Variants in SOX5 observed in about 807,000 individuals in gnomAD.
SOX5 encodes the protein SRY-box transcription factor 5.
Under a neutral mutation model 92.0 loss-of-function variants are expected in SOX5, and 9 were observed. The observed-to-expected ratio is 0.10, with a 90% CI of 0.06 to 0.17. The LOEUF is 0.17. Ranked by LOEUF, SOX5 falls within the 10% of genes least tolerant of loss-of-function variation. SOX5 has a pLI of 1.00. For synonymous variants in SOX5, 344 were observed against 336.3 expected (o/e 1.02, Z -0.25); for missense variants, 642 against 944.5 (o/e 0.68, Z 4.20).
intron 3 of SOX5, among the ~76,000 whole-genome samples, chr12:24,265,465 G>A (rs1257238448): frequency 6.6e-6 from 1 of 152,132 alleles, no homozygotes; most frequent in Non-Finnish European, 1.5e-5. Context: ...AATCACTTCA[G>A]TCCAGGAAGC....
intron 4 of SOX5, among the ~76,000 whole-genome samples, chr12:24,122,767 G>A (rs1312419604): frequency 6.6e-6 from 1 of 152,052 alleles, no homozygotes; most frequent in Admixed American, 6.6e-5. Context: ...TTTCTTTCCT[G>A]AAAAATATGA....
chr12:23,838,030 T>C (rs1568212429), intron 3 of SOX5, among the ~76,000 whole-genome samples: 1 of 121,432 alleles, frequency 8.2e-6, no homozygotes, highest in Non-Finnish European at 1.6e-5. Context: ...TATATACATT[T>C]ATATATTTTT....
intron 4 of SOX5, among the ~76,000 whole-genome samples, chr12:23,976,376 G>GAGGT (rs1356472506): frequency 1.0e-5 from 1 of 95,606 alleles, no homozygotes; most frequent in African/African-American, 4.1e-5. Flanking sequence ...ACATTTCTAA[G>GAGGT]AGGTGAACAC....
upstream of SOX5, among the ~76,000 whole-genome samples, chr12:23,951,680 G>A (rs1050502430): frequency 1.3e-5 from 2 of 151,856 alleles, no homozygotes; most frequent in Admixed American, 6.6e-5. Flanking sequence ...CAAAATCAAT[G>A]TGGAATAAGA....
At chr12:24,194,228 C>T (rs1441619956) in intron 4 of SOX5, among the ~76,000 whole-genome samples, 2 of 152,142 alleles carry the variant, frequency 1.3e-5, no homozygotes, top group Middle Eastern at 3.2e-3. Context: ...ATTAATTTGG[C>T]ATCCATTTTG....
intron 7 of SOX5, among the ~76,000 whole-genome samples, chr12:23,649,683 T>A (rs1190100888): frequency 6.6e-6 from 1 of 152,134 alleles, no homozygotes; most frequent in Admixed American, 6.6e-5. Flanking sequence ...GCTTACAGTG[T>A]CTACTGACAC....
intron 1 of SOX5, among the ~76,000 whole-genome samples, chr12:24,449,644 ATAT>A (rs1941980231): frequency 6.6e-6 from 1 of 152,252 alleles, no homozygotes; most frequent in South Asian, 2.1e-4. Flanking sequence ...ATAGTAGTAA[ATAT>A]TTTTTCAAGA....
chr12:24,196,869 C>T (rs1053661072), intron 4 of SOX5, among the ~76,000 whole-genome samples: 1 of 152,104 alleles, frequency 6.6e-6, no homozygotes, highest in Non-Finnish European at 1.5e-5. Flanking sequence ...TACCACTGCA[C>T]TCCAGCCTGG....
In SOX5 at chr12:24,268,678, T is replaced by G. The variant is rs144981984; in HGVS notation, c.-77+8538A>C. On this transcript the variant is annotated intron_variant, in intron 3 of 4. Transcript: ENST00000446891. ...AAATTGTAGAGCAGAAACAATTAGG[T>G]GCACAGGTATGTAGCATCAGGAGCC... Among the ~76,000 whole-genome samples the G allele has an allele frequency of 3.9e-3, 590 of 152,316 alleles. 6 individuals are homozygous for G. The highest frequency in any genetic ancestry group is 0.024 in the East Asian group (125 of 5,186).
chr12:23,834,348 T>A (rs1320853260), intron 3 of SOX5, among the ~76,000 whole-genome samples: 1 of 151,964 alleles, frequency 6.6e-6, no homozygotes, highest in African/African-American at 2.4e-5. Flanking sequence ...AGATTACATA[T>A]GATTTTTTAG....
chr12:24,380,950 A>T (rs1306671476), intron 1 of SOX5, among the ~76,000 whole-genome samples: 1 of 152,240 alleles, frequency 6.6e-6, no homozygotes, highest in African/African-American at 2.4e-5. Context: ...AAACAAATAA[A>T]ATTTCCAAGG....
intron 1 of SOX5, among the ~76,000 whole-genome samples, chr12:24,518,903 C>T (rs185382339): frequency 1.3e-5 from 2 of 152,246 alleles, no homozygotes; most frequent in African/African-American, 4.8e-5. Flanking sequence ...AAAACTTCTG[C>T]AGCCTATACA....
intron 2 of SOX5, among the ~76,000 whole-genome samples, chr12:23,850,013 A>G (rs1265645638): frequency 6.6e-6 from 1 of 152,188 alleles, no homozygotes; most frequent in African/African-American, 2.4e-5. Flanking sequence ...CATGTTCAGT[A>G]ATTTGGGTAT....
At chr12:23,871,818 A>C (rs1043283052) in intron 2 of SOX5, among the ~76,000 whole-genome samples, 2 of 152,090 alleles carry the variant, frequency 1.3e-5, no homozygotes, top group African/African-American at 4.8e-5. Flanking sequence ...AGACCCTGAA[A>C]GTATTATGGG....
chr12:23,951,378 G>T (rs916501132), upstream of SOX5, among the ~76,000 whole-genome samples: 3 of 144,464 alleles, frequency 2.1e-5, no homozygotes, highest in Admixed American at 7.2e-5. Flanking sequence ...TTATTTTGCA[G>T]CTGGACAACA....
intron 8 of SOX5, among the ~76,000 whole-genome samples, chr12:23,621,055 G>T (rs2077114388): frequency 6.6e-6 from 1 of 151,998 alleles, no homozygotes; most frequent in South Asian, 2.1e-4. Flanking sequence ...TATTAGTTAT[G>T]ATTATTATAA....
chr12:24,350,533 G>A (rs574723266), intron 2 of SOX5, among the ~76,000 whole-genome samples: 1 of 152,232 alleles, frequency 6.6e-6, no homozygotes, highest in African/African-American at 2.4e-5. Context: ...TTATAGAGAT[G>A]GGTTATTCCT....
At chr12:23,667,085 G>A (rs1341969975) in intron 6 of SOX5, among the ~76,000 whole-genome samples, 2 of 152,172 alleles carry the variant, frequency 1.3e-5, no homozygotes, top group Non-Finnish European at 2.9e-5. Flanking sequence ...GAGAAGGGGA[G>A]GAGAGGGAGG....
chr12:23,847,079 CATATT>C (rs898372063), intron 2 of SOX5, among the ~76,000 whole-genome samples: 6 of 151,848 alleles, frequency 4.0e-5, no homozygotes, highest in African/African-American at 1.5e-4. Context: ...TTGTATAAAA[CATATT>C]AAGGTGATTT....
Sources: allele counts gnomAD v4.1 joint callset (sites outside exome capture counted in the v4.1 genomes callset), GRCh38; gene constraint gnomAD v4.1.1; transcripts MANE v1.5; gene names NCBI Gene and HGNC (gene_info 2026-07-23, HGNC 2026-07-21).